CBFA2T2: variants seen among roughly 807,000 people sequenced by gnomAD.
CBFA2T2 encodes the protein CBFA2/RUNX1 partner transcriptional co-repressor 2, also known as protein CBFA2T2.
Under a neutral mutation model 62.2 loss-of-function variants are expected in CBFA2T2, and 11 were observed. The ratio of observed to expected loss-of-function variants is 0.18; its 90% CI spans 0.11 to 0.29. The LOEUF is 0.29. Among genes scored for constraint, CBFA2T2 ranks in the 10% least tolerant of loss-of-function variants. The pLI, the probability that CBFA2T2 is intolerant of heterozygous loss-of-function variation, is 1.00. For missense variants in CBFA2T2, 592 were observed against 774.1 expected, an observed-to-expected ratio of 0.76 and a Z score of 2.79; for synonymous variants, 295 against 287.5, an observed-to-expected ratio of 1.03 and a Z score of -0.27.
At chr20:33,522,273 A>G (rs1378932037) in intron 1 of CBFA2T2, among the ~76,000 whole-genome samples, 1 of 152,224 alleles carries the variant, frequency 6.6e-6, no homozygotes, top group Non-Finnish European at 1.5e-5. Flanking sequence ...AAAATTCAAA[A>G]TAACCTTCTA....
intron 1 of CBFA2T2, among the ~76,000 whole-genome samples, chr20:33,604,019 A>T (rs950406586): frequency 6.6e-6 from 1 of 152,152 alleles, no homozygotes; most frequent in Non-Finnish European, 1.5e-5. Context: ...TCACTCCATG[A>T]AGGGCATTCA....
intron 1 of CBFA2T2, among the ~76,000 whole-genome samples, chr20:33,603,904 C>T (rs1166202223): frequency 1.3e-5 from 2 of 152,152 alleles, no homozygotes; most frequent in African/African-American, 4.8e-5. Context: ...TACTATAATC[C>T]TGTGACCCCA....
chr20:33,568,704 C>T (rs1311078537), intron 1 of CBFA2T2, among the ~76,000 whole-genome samples: 1 of 152,160 alleles, frequency 6.6e-6, no homozygotes, highest in Non-Finnish European at 1.5e-5. Context: ...CCATCTGAAA[C>T]CCCCATGTCC....
rs972936595 is a variant in CBFA2T2 at position 33,640,418 on chromosome 20, T to C, written c.1375T>C (p.Phe459Leu). ...KAVAEAEQKAFEVIATERARM... is the reference protein window; with the variant it reads ...KAVAEAEQKALEVIATERARM... ...CGTCGCTGAGGCAGAGCAGAAAGCC[T>C]TTGAAGTGATTGCAACAGAGAGAGC... The change falls in exon 10 of 11, where the codon TTT becomes CTT. Residue 459 changes from phenylalanine to leucine, a missense_variant. Phe to Leu is a conservative substitution (Grantham distance 22, BLOSUM62 0). Transcript: ENST00000342704. 1 of 1,614,254 alleles carries C rather than the reference T, an allele frequency of 6.2e-7. No individual in the cohort carries two copies. Among genetic ancestry groups the C allele is most frequent in the African/African-American group, 1.3e-5 (1 of 75,070 alleles).
chr20:33,629,628 C>A, intron 7 of CBFA2T2, 91 bp from the exon 8 acceptor site: 2 of 1,156,048 alleles, frequency 1.7e-6, no homozygotes, highest in East Asian at 2.4e-5. Context: ...TTTAAGGAAC[C>A]TGAATTCCTC....
chr20:33,643,317 T>C (rs2016919430), intron 10 of CBFA2T2, among the ~76,000 whole-genome samples: 1 of 152,184 alleles, frequency 6.6e-6, no homozygotes, highest in African/African-American at 2.4e-5. Context: ...GGCCCATGCC[T>C]GTAATTCCAG....
intron 6 of CBFA2T2, among the ~76,000 whole-genome samples, chr20:33,625,364 G>A (rs969026836): frequency 5.3e-5 from 8 of 152,160 alleles, no homozygotes; most frequent in South Asian, 2.1e-4. Flanking sequence ...GCATGCGCCT[G>A]TGGTCCCAGC....
intron 1 of CBFA2T2, among the ~76,000 whole-genome samples, chr20:33,555,279 A>G (rs1247713785): frequency 6.6e-6 from 1 of 152,208 alleles, no homozygotes; most frequent in Admixed American, 6.5e-5. Flanking sequence ...TTAAAAAAAA[A>G]AAAACATTAA....
At chr20:33,526,238 C>T (rs2011882982) in intron 1 of CBFA2T2, among the ~76,000 whole-genome samples, 2 of 152,006 alleles carry the variant, frequency 1.3e-5, no homozygotes, top group Admixed American at 6.6e-5. Context: ...TCTGTGTAAC[C>T]CAAAACTACT....
rs1357679183 is a variant in CBFA2T2 at position 33,646,316 on chromosome 20, A to G, written c.*1670A>G. The G allele has an allele frequency of 1.3e-5, 2 of 152,064 alleles. No individual in the cohort carries two copies. Among genetic ancestry groups the G allele is most frequent in the African/African-American group, 2.4e-5 (1 of 41,368 alleles). The allele number at this position is 152,064 out of a possible 1,614,324, so 9.4% of individuals were successfully genotyped here. A position where few individuals can be genotyped will look rare whatever the true frequency, so the allele number is the denominator to read the frequency against. ...TGCCCGGCCTGTCTTTTTGGTTTTG[A>G]TGGGAGTCTGAGGACCCCGACCCCT... On this transcript the variant is annotated 3_prime_UTR_variant, in exon 11 of 11. Coordinates refer to ENST00000342704, the MANE Select transcript of CBFA2T2 (RefSeq NM_001032999.3).
intron 3 of CBFA2T2, among the ~76,000 whole-genome samples, chr20:33,618,164 T>G (rs149584075): frequency 1.4e-3 from 207 of 149,126 alleles, no homozygotes; most frequent in African/African-American, 4.8e-3. Context: ...GGTAGATCTA[T>G]ATATTTTCCT....
At chr20:33,641,286 A>C (rs2016829804) in intron 10 of CBFA2T2, among the ~76,000 whole-genome samples, 1 of 152,132 alleles carries the variant, frequency 6.6e-6, no homozygotes, top group South Asian at 2.1e-4. Context: ...CTTTTTACAA[A>C]TAGGATAGCT....
chr20:33,618,212 C>T (rs908707767), intron 3 of CBFA2T2, among the ~76,000 whole-genome samples: 2 of 145,510 alleles, frequency 1.4e-5, no homozygotes, highest in African/African-American at 2.5e-5. Flanking sequence ...ATTGTGATAG[C>T]GTGGGGGTAA....
At chr20:33,538,001 A>G (rs956283567) in intron 1 of CBFA2T2, among the ~76,000 whole-genome samples, 1 of 132,888 alleles carries the variant, frequency 7.5e-6, no homozygotes, top group Non-Finnish European at 1.6e-5. Context: ...TCAATTTCTT[A>G]AAAAAAAAAA....
intron 1 of CBFA2T2, among the ~76,000 whole-genome samples, chr20:33,547,687 A>ATGTGTGTG (rs60988030): frequency 0.029 from 4,003 of 139,116 alleles, 76 homozygotes; most frequent in African/African-American, 0.038. Context: ...TCTCAAAAAA[A>ATGTGTGTG]TGTGTGTGTG....
intron 1 of CBFA2T2, among the ~76,000 whole-genome samples, chr20:33,575,810 G>C (rs2013795281): frequency 6.6e-6 from 1 of 151,988 alleles, no homozygotes; most frequent in Admixed American, 6.6e-5. Flanking sequence ...CAGAGTCTCA[G>C]TCTGTCGCCC....
chr20:33,590,524 A>G (rs2014573212), intron 1 of CBFA2T2, among the ~76,000 whole-genome samples: 1 of 152,122 alleles, frequency 6.6e-6, no homozygotes, highest in Non-Finnish European at 1.5e-5. Flanking sequence ...CAAATATTTG[A>G]GAGTGGTAGG....
intron 1 of CBFA2T2, among the ~76,000 whole-genome samples, chr20:33,498,239 TTTTC>T (rs2011225170): frequency 1.3e-5 from 2 of 151,424 alleles, no homozygotes; most frequent in Non-Finnish European, 2.9e-5. Flanking sequence ...GCCCAGTTAA[TTTTC>T]TTTCTTTTTT....
chr20:33,591,235 G>T (rs1346567524), intron 1 of CBFA2T2, among the ~76,000 whole-genome samples: 1 of 147,022 alleles, frequency 6.8e-6, no homozygotes, highest in Non-Finnish European at 1.5e-5. Flanking sequence ...TATAATTCCA[G>T]TGCTTTGGGA....
Sources: gnomAD v4.1 joint callset for allele counts (sites outside exome capture counted in the v4.1 genomes callset) on GRCh38, gnomAD v4.1.1 for gene constraint, MANE v1.5 for transcripts, NCBI Gene and HGNC (gene_info 2026-07-23, HGNC 2026-07-21) for gene names.